Variants in DNAAF9 observed in about 807,000 individuals in gnomAD.
DNAAF9 encodes the protein shulin.
In DNAAF9, 90 loss-of-function variants were observed where a neutral mutation model predicts 167.0. The ratio of observed to expected loss-of-function variants is 0.54; its 90% CI spans 0.45 to 0.64. DNAAF9 has a LOEUF of 0.64. Among genes scored for constraint, DNAAF9 ranks in the 30% least tolerant of loss-of-function variants. The pLI, the probability that DNAAF9 is intolerant of heterozygous loss-of-function variation, is 0.00. For missense variants in DNAAF9, 1,315 were observed against 1,442.2 expected (o/e 0.91, Z 1.43); for synonymous variants, 491 against 508.8 (o/e 0.96, Z 0.47).
intron 29 of DNAAF9, among the ~76,000 whole-genome samples, chr20:3,272,450 C>T (rs975462362): frequency 2.0e-5 from 3 of 152,130 alleles, no homozygotes; most frequent in African/African-American, 7.2e-5. Context: ...TGGTCTCAAA[C>T]TCCTGGGCTC....
At chr20:3,332,974 A>G (rs1269340435) in intron 10 of DNAAF9, among the ~76,000 whole-genome samples, 1 of 150,614 alleles carries the variant, frequency 6.6e-6, no homozygotes, top group African/African-American at 2.4e-5. Flanking sequence ...GTGCTGTTGG[A>G]TACTCAGTTA....
intron 9 of DNAAF9, among the ~76,000 whole-genome samples, chr20:3,342,838 G>A (rs1241339048): frequency 6.6e-6 from 1 of 152,168 alleles, no homozygotes; most frequent in African/African-American, 2.4e-5. Flanking sequence ...TGACAAAAGA[G>A]ATGTGGGAGA....
intron 20 of DNAAF9, among the ~76,000 whole-genome samples, chr20:3,312,137 C>A (rs113014499): frequency 1.3e-5 from 2 of 152,012 alleles, no homozygotes; most frequent in Non-Finnish European, 2.9e-5. Flanking sequence ...TACAGGCATG[C>A]GTCACCACGC....
Position 3,294,267 on chromosome 20 carries a change from A to C in DNAAF9, c.2121-11T>G. On this transcript the variant is annotated splice_polypyrimidine_tract_variant and intron_variant, in intron 24 of 36. Coordinates refer to ENST00000252032, the MANE Select transcript of DNAAF9 (RefSeq NM_001009984.3). ...AAATGCTGGAGAAACCTAAAAACAC[A>C]AAGACAATGCTATTATGTTACCATC... 6.4e-7 allele frequency: 1 copy of C among 1,558,162 alleles called. No homozygotes were observed. The highest frequency in any genetic ancestry group is 8.9e-7 in the Non-Finnish European group (1 of 1,129,186).
rs1255945500 is a variant in DNAAF9 at position 3,255,280 on chromosome 20, G to A, written c.3266C>T (p.Pro1089Leu). ...DWLRQSAKQK[P>L]QRKALKTRGM... ...CCTGGTCTTCAGGGCTTTCCTCTGA[G>A]GCTTCTGCAGAGATGGGGAGTGGAG... The change falls in exon 35 of 37, where the codon CCT becomes CTT. Residue 1089 changes from proline to leucine, a missense_variant. Around this residue, in one of 2 missense-constraint regions of DNAAF9, gnomAD observed 334 missense variants for 429.7 expected, o/e 0.78. Transcript: ENST00000252032. 1.9e-6 allele frequency: 3 copies of A among 1,548,154 alleles called. No individual in the cohort carries two copies. The highest frequency in any genetic ancestry group is 2.6e-6 in the Non-Finnish European group (3 of 1,144,058).
chr20:3,278,688 C>T (rs1369597562), intron 29 of DNAAF9, among the ~76,000 whole-genome samples: 1 of 152,076 alleles, frequency 6.6e-6, no homozygotes, highest in Non-Finnish European at 1.5e-5. Context: ...TATTGCACTC[C>T]AATCTGGGCG....
intron 7 of DNAAF9, among the ~76,000 whole-genome samples, chr20:3,355,615 T>C (rs1183271388): frequency 6.6e-6 from 1 of 152,084 alleles, no homozygotes. Context: ...ATGTTCAATG[T>C]TATCAAATGC....
rs147977227 is a variant in DNAAF9 at position 3,355,889 on chromosome 20, C to CT, written c.690+3626dup. Reference sequence around the variant, plus strand: ...TGAGTTTTGATAACAGCTAATTTCTCTTTTTTTTTTCAGATCCAGTGCCGT... The same window carrying CT: ...TGAGTTTTGATAACAGCTAATTTCTCTTTTTTTTTTTCAGATCCAGTGCCGT... On this transcript the variant is annotated intron_variant, in intron 7 of 36. Coordinates refer to ENST00000252032, the MANE Select transcript of DNAAF9 (RefSeq NM_001009984.3). Among the ~76,000 whole-genome samples, 977 of 145,942 alleles carry CT rather than the reference C, an allele frequency of 6.7e-3. 13 individuals carry two copies. Among genetic ancestry groups the CT allele is most frequent in the African/African-American group, 0.022 (863 of 39,898 alleles).
At chr20:3,294,660 T>G in intron 23 of DNAAF9, 31 bp from the exon 24 acceptor site, 1 of 1,400,382 alleles carries the variant, frequency 7.1e-7, no homozygotes, top group Non-Finnish European at 1.0e-6. Flanking sequence ...AGATTAGAAG[T>G]CCATCTTCCT....
chr20:3,301,007 CT>C (rs55675753), intron 21 of DNAAF9, among the ~76,000 whole-genome samples: 2 of 143,036 alleles, frequency 1.4e-5, no homozygotes, highest in Non-Finnish European at 3.1e-5. Flanking sequence ...ACATTTAGTA[CT>C]TTTGTTTTCC....
chr20:3,368,377 GTTTGTGTT>G (rs2083458140), intron 6 of DNAAF9, among the ~76,000 whole-genome samples: 1 of 152,088 alleles, frequency 6.6e-6, no homozygotes, highest in Admixed American at 6.6e-5. Flanking sequence ...CTGATGCCTA[GTTTGTGTT>G]TTTGTTTTGG....
chr20:3,401,306 A>C (rs1304312036), intron 1 of DNAAF9, among the ~76,000 whole-genome samples: 1 of 152,034 alleles, frequency 6.6e-6, no homozygotes, highest in Admixed American at 6.6e-5. Context: ...CTTGGGTTCA[A>C]GCAATTCTCC....
At chr20:3,363,588 C>T (rs1258606646) in intron 6 of DNAAF9, among the ~76,000 whole-genome samples, 2 of 148,420 alleles carry the variant, frequency 1.3e-5, no homozygotes, top group African/African-American at 2.5e-5. Context: ...CATGGTGGCT[C>T]ACATCTGTAA....
chr20:3,391,791 C>T (rs1600915991), intron 1 of DNAAF9, among the ~76,000 whole-genome samples: 1 of 151,972 alleles, frequency 6.6e-6, no homozygotes, highest in African/African-American at 2.4e-5. Flanking sequence ...GTTGGCCAGG[C>T]TGGTCTCAAA....
At position 3,281,721 on chromosome 20, in the gene DNAAF9, T is replaced by C. The variant is rs1179655860; in HGVS notation, c.2532A>G (p.Pro844=). 8 of 1,612,890 alleles carry C rather than the reference T, an allele frequency of 5.0e-6. No homozygotes were observed. The highest frequency in any genetic ancestry group is 6.8e-6 in the Non-Finnish European group (8 of 1,179,466). The stretch of plus-strand genomic sequence containing the variant: ...TGAAGGAGGCCTTGACATTTGAGTC[T>C]GGGTGGGTCTGCAGGGCCTGGACAA... ...IDVVQALQTH[P]DSNVKASFTI... is the part of the protein sequence containing the mutation. The change falls in exon 28 of 37, where the codon CCA becomes CCG. Residue 844 remains proline, a synonymous_variant. Transcript: ENST00000252032.
At chr20:3,265,973 C>T (rs1032580539) in intron 30 of DNAAF9, among the ~76,000 whole-genome samples, 1 of 152,186 alleles carries the variant, frequency 6.6e-6, no homozygotes, top group Non-Finnish European at 1.5e-5. Flanking sequence ...AGTCACTGCA[C>T]CCGGCCTAAA....
intron 17 of DNAAF9, 97 bp from the exon 18 acceptor site, chr20:3,316,890 C>CTTTTTTTTTTTTTTTTTT (rs11424663): frequency 4.2e-6 from 1 of 236,506 alleles, no homozygotes; most frequent in Non-Finnish European, 7.8e-6. Context: ...AGCTAGGGTT[C>CTTTTTTTTTTTTTTTTTT]TTTTTTTTTT....
intron 10 of DNAAF9, among the ~76,000 whole-genome samples, chr20:3,337,171 G>A (rs1287150932): frequency 2.6e-5 from 4 of 151,846 alleles, no homozygotes; most frequent in African/African-American, 7.3e-5. Context: ...GAGCCACCAC[G>A]CCTGGCCTCA....
chr20:3,331,483 T>C (rs1169940241), intron 11 of DNAAF9, among the ~76,000 whole-genome samples: 1 of 152,174 alleles, frequency 6.6e-6, no homozygotes, highest in Non-Finnish European at 1.5e-5. Flanking sequence ...TGTCTTTGGA[T>C]ACCTGCAACT....
Sources: allele counts gnomAD v4.1 joint callset (sites outside exome capture counted in the v4.1 genomes callset), GRCh38; gene constraint gnomAD v4.1.1; regional missense constraint gnomAD v4.1.1; transcripts MANE v1.5; gene names NCBI Gene and HGNC (gene_info 2026-07-23, HGNC 2026-07-21).